Variants in ODR4 observed in about 807,000 individuals in gnomAD.
The protein encoded by ODR4 is odr-4 GPCR localization factor homolog.
In ODR4, 47 loss-of-function variants were observed where a neutral mutation model predicts 60.2. That is an observed-to-expected ratio of 0.78 (90% confidence interval 0.62 to 1.00). The LOEUF is 1.00. Ranked by LOEUF, ODR4 falls within the 50% of genes least tolerant of loss-of-function variation. The probability of loss-of-function intolerance (pLI) is 0.00; values close to 1 mark genes in which losing one functional copy is unlikely to be tolerated. For synonymous variants in ODR4, 178 were observed against 175.5 expected (o/e 1.01, Z -0.11); for missense variants, 488 against 530.8 (o/e 0.92, Z 0.79).
chr1:186,389,553 C>A, intron 5 of ODR4, 35 bp from the exon 6 acceptor site: 1 of 1,459,824 alleles, frequency 6.9e-7, no homozygotes, highest in Non-Finnish European at 9.4e-7. Context: ...ACCAATAATG[C>A]CTTTTTTGGT....
intron 8 of ODR4, among the ~76,000 whole-genome samples, chr1:186,392,190 T>A (rs1342881083): frequency 2.0e-5 from 3 of 152,056 alleles, no homozygotes; most frequent in Non-Finnish European, 4.4e-5. Context: ...TTGGTGGGAG[T>A]ATAAATAAGT....
At chr1:186,388,323 T>G (rs1263157777) in intron 4 of ODR4, 119 bp from the exon 5 acceptor site, 2 of 584,752 alleles carry the variant, frequency 3.4e-6, no homozygotes, top group Non-Finnish European at 5.8e-6. Flanking sequence ...CTCCAATAAA[T>G]AAAGAATCAT....
downstream of ODR4, among the ~76,000 whole-genome samples, chr1:186,421,685 G>A (rs1262875328): frequency 2.6e-5 from 4 of 151,896 alleles, no homozygotes; most frequent in African/African-American, 9.7e-5. Flanking sequence ...CCAACATGGT[G>A]AAATCCCGTT....
intron 13 of ODR4, 111 bp from the exon 14 acceptor site, chr1:186,418,898 G>A (rs1661686083): frequency 2.5e-6 from 2 of 807,928 alleles, no homozygotes; most frequent in South Asian, 1.5e-5. Context: ...TTGTGTGTTT[G>A]TGTATTGTTT....
At chr1:186,382,961 A>G in intron 2 of ODR4, 61 bp from the exon 3 acceptor site, 1 of 1,499,866 alleles carries the variant, frequency 6.7e-7, no homozygotes, top group Non-Finnish European at 8.9e-7. Flanking sequence ...TTTAGGTATC[A>G]CTCTAATTAG....
At position 186,419,583 on chromosome 1, in the gene ODR4, A is replaced by G. The variant is rs763382696; in HGVS notation, c.*507A>G. ...AAAAAATTAGCTGGACATGGTGGCA[A>G]TCAGCTCTAGTCCCAACTACTTGGA... On this transcript the variant is annotated 3_prime_UTR_variant, in exon 14 of 14. Coordinates refer to ENST00000287859, the MANE Select transcript of ODR4 (RefSeq NM_017847.6). The G allele has an allele frequency of 6.4e-6, 1 of 156,014 alleles. No individual in the cohort carries two copies. Among genetic ancestry groups the G allele is most frequent in the African/African-American group, 2.4e-5 (1 of 41,426 alleles). The allele number at this position is 156,014 out of a possible 1,614,324, so 9.7% of individuals were successfully genotyped here. A position where few individuals can be genotyped will look rare whatever the true frequency, so the allele number is the denominator to read the frequency against.
intron 5 of ODR4, among the ~76,000 whole-genome samples, chr1:186,388,951 G>A (rs1246393507): frequency 2.6e-5 from 4 of 152,164 alleles, no homozygotes; most frequent in African/African-American, 9.7e-5. Flanking sequence ...GGTGCACAGA[G>A]CTGGATGGTA....
At chr1:186,386,206 T>G in intron 4 of ODR4, 123 bp downstream of exon 4, 1 of 553,174 alleles carries the variant, frequency 1.8e-6, no homozygotes, top group Non-Finnish European at 3.0e-6. Flanking sequence ...TTTGTTGGGG[T>G]TACATTGAAA....
At chr1:186,400,951 A>C in intron 11 of ODR4, 1 of 1,271,204 alleles carries the variant, frequency 7.9e-7, no homozygotes, top group African/African-American at 1.5e-5. Context: ...TTTGACTTTG[A>C]GTTTGTGGTA....
At chr1:186,399,543 CA>C in intron 11 of ODR4, among the ~76,000 whole-genome samples, 1 of 151,896 alleles carries the variant, frequency 6.6e-6, no homozygotes, top group Non-Finnish European at 1.5e-5. Context: ...TCAAATTTAG[CA>C]AATTTGTCAA....
the ODR4 span, among the ~76,000 whole-genome samples, chr1:186,432,446 A>C: frequency 6.6e-6 from 1 of 152,170 alleles, no homozygotes. Context: ...AAGCCTGTGT[A>C]AAATAATGTT....
chr1:186,396,801 A>T (rs1449660978), intron 9 of ODR4, among the ~76,000 whole-genome samples: 1 of 151,946 alleles, frequency 6.6e-6, no homozygotes, highest in African/African-American at 2.4e-5. Flanking sequence ...ATATACTAAT[A>T]TATAAATGTG....
intron 2 of ODR4, 48 bp downstream of exon 2, chr1:186,379,932 T>C (rs372034632): frequency 6.3e-6 from 7 of 1,106,152 alleles, no homozygotes; most frequent in Non-Finnish European, 7.7e-6. Context: ...TACTCTGTAA[T>C]TTATTTTAAA....
At chr1:186,402,187 A>AT (rs369476087) in intron 11 of ODR4, among the ~76,000 whole-genome samples, 26 of 135,528 alleles carry the variant, frequency 1.9e-4, no homozygotes, top group African/African-American at 7.1e-4. Context: ...TAGGCATCCT[A>AT]TTCTTTCTTT....
chr1:186,431,016 AAAACAT>A, the ODR4 span, among the ~76,000 whole-genome samples: 13 of 152,190 alleles, frequency 8.5e-5, no homozygotes, highest in African/African-American at 3.1e-4. Flanking sequence ...CACAACTAAG[AAAACAT>A]AAACATAAGA....
At chr1:186,412,904 GA>G (rs1661426533) in intron 12 of ODR4, among the ~76,000 whole-genome samples, 1 of 151,922 alleles carries the variant, frequency 6.6e-6, no homozygotes, top group African/African-American at 2.4e-5. Context: ...GACTTGTAAT[GA>G]AAAATATTAA....
At chr1:186,385,927 C>G in intron 3 of ODR4, 61 bp from the exon 4 acceptor site, 1 of 1,054,660 alleles carries the variant, frequency 9.5e-7, no homozygotes, top group Admixed American at 2.2e-5. Context: ...GACAGTTTCT[C>G]AAACAGAAAG....
chr1:186,412,266 T>C (rs1235683296), intron 12 of ODR4, among the ~76,000 whole-genome samples: 3 of 152,200 alleles, frequency 2.0e-5, no homozygotes, highest in Non-Finnish European at 4.4e-5. Context: ...TATTAATTGC[T>C]GAAACCACTA....
At chr1:186,379,550 G>A (rs1659944295) in intron 1 of ODR4, among the ~76,000 whole-genome samples, 1 of 151,960 alleles carries the variant, frequency 6.6e-6, no homozygotes, top group African/African-American at 2.4e-5. Context: ...GTCAACTCTG[G>A]TTGATTTGTG....
Sources: gnomAD v4.1 joint callset for allele counts (sites outside exome capture counted in the v4.1 genomes callset) on GRCh38, gnomAD v4.1.1 for gene constraint, MANE v1.5 for transcripts, NCBI Gene and HGNC (gene_info 2026-07-23, HGNC 2026-07-21) for gene names.